The following PPP3CA variants were observed in gnomAD, a reference collection of about 807,000 sequenced individuals.
PPP3CA encodes the protein protein phosphatase 3 catalytic subunit alpha, also known as CAM-PRP catalytic subunit.
In PPP3CA, 14 loss-of-function variants were observed where a neutral mutation model predicts 66.5. The observed-to-expected ratio is 0.21, with a 90% CI of 0.14 to 0.33. The LOEUF is 0.33. Among genes scored for constraint, PPP3CA ranks in the 10% least tolerant of loss-of-function variants. The pLI is 1.00. For synonymous variants in PPP3CA, 232 were observed against 226.2 expected, an observed-to-expected ratio of 1.03 and a Z score of -0.23; for missense variants, 317 against 639.5, an observed-to-expected ratio of 0.50 and a Z score of 5.44.
chr4:101,144,121 C>A (rs909224499), intron 2 of PPP3CA, among the ~76,000 whole-genome samples: 4 of 152,150 alleles, frequency 2.6e-5, no homozygotes, highest in Admixed American at 6.5e-5. Flanking sequence ...TTGGTTCAAG[C>A]GCTGTCTGGA....
chr4:101,296,645 G>C (rs1728209694), intron 1 of PPP3CA, among the ~76,000 whole-genome samples: 2 of 152,032 alleles, frequency 1.3e-5, no homozygotes. Context: ...AGTATGTTAT[G>C]TCATTTAAGG....
intron 7 of PPP3CA, among the ~76,000 whole-genome samples, chr4:101,081,201 A>G (rs1157497260): frequency 2.0e-5 from 3 of 152,120 alleles, no homozygotes; most frequent in Non-Finnish European, 4.4e-5. Context: ...TCCTAGATGC[A>G]GTATATACAA....
In PPP3CA at chr4:101,046,717, G is replaced by T. The variant is rs189963893; in HGVS notation, c.1157-6151C>A. Among the ~76,000 whole-genome samples, 226 of 152,022 alleles carry T rather than the reference G, an allele frequency of 1.5e-3. 1 individual carries two copies. Among genetic ancestry groups the T allele is most frequent in the Admixed American group, 3.1e-3 (48 of 15,244 alleles). ...CTTGAAAGTAAAATTTTTATCATGG[G>T]TCAATATTATTAAACAGAGTTTCAA... is the stretch of plus-strand genomic sequence containing the variant. On this transcript the variant is annotated intron_variant, in intron 10 of 13. Transcript: ENST00000394854.
chr4:101,300,444 A>T (rs982257473), intron 1 of PPP3CA, among the ~76,000 whole-genome samples: 2 of 152,222 alleles, frequency 1.3e-5, no homozygotes, highest in Non-Finnish European at 2.9e-5. Flanking sequence ...CAACACCATT[A>T]ATATTACCAT....
At chr4:101,297,290 C>T (rs897252013) in intron 1 of PPP3CA, among the ~76,000 whole-genome samples, 1 of 152,124 alleles carries the variant, frequency 6.6e-6, no homozygotes, top group African/African-American at 2.4e-5. Flanking sequence ...TCGCACTGTG[C>T]CTAGCACGTA....
chr4:101,274,133 C>T (rs920464055), intron 1 of PPP3CA, among the ~76,000 whole-genome samples: 1 of 152,018 alleles, frequency 6.6e-6, no homozygotes, highest in Non-Finnish European at 1.5e-5. Context: ...GGTAAAACCC[C>T]GTATCTACAA....
intron 1 of PPP3CA, among the ~76,000 whole-genome samples, chr4:101,261,017 T>G (rs1404430836): frequency 6.6e-6 from 1 of 152,096 alleles, no homozygotes; most frequent in African/African-American, 2.4e-5. Context: ...GAACAAATGA[T>G]TTTTTGACAA....
rs563225230 is a variant in PPP3CA, at chr4:101,168,561, G to A, written c.259+27355C>T. Among the ~76,000 whole-genome samples the A allele has an allele frequency of 2.0e-5, 3 of 152,242 alleles. No homozygotes were observed. In the South Asian group the frequency reaches 6.2e-4, roughly 32 times the overall value. On this transcript the variant is annotated intron_variant, in intron 2 of 13. Coordinates refer to ENST00000394854, the MANE Select transcript of PPP3CA (RefSeq NM_000944.5). ...TTGTGGGACACTCTAAGAGGGAGAA[G>A]AACCTCCAAGGAGACTAAGTAAAAA...
intron 1 of PPP3CA, among the ~76,000 whole-genome samples, chr4:101,321,753 A>G (rs1466213725): frequency 2.0e-5 from 3 of 152,202 alleles, no homozygotes; most frequent in Non-Finnish European, 4.4e-5. Flanking sequence ...CAAAGGTTCA[A>G]AACTAAGAGC....
At chr4:101,140,627 G>C (rs1722773838) in intron 2 of PPP3CA, among the ~76,000 whole-genome samples, 1 of 152,130 alleles carries the variant, frequency 6.6e-6, no homozygotes. Flanking sequence ...TACTTAAGAA[G>C]AAGAAACTCA....
intron 1 of PPP3CA, among the ~76,000 whole-genome samples, chr4:101,275,246 T>G (rs1435897317): frequency 6.6e-6 from 1 of 152,180 alleles, no homozygotes; most frequent in Non-Finnish European, 1.5e-5. Context: ...CACTAACTTA[T>G]TTGGTTAACT....
chr4:101,271,135 C>G (rs1172105693), intron 1 of PPP3CA, among the ~76,000 whole-genome samples: 1 of 152,038 alleles, frequency 6.6e-6, no homozygotes, highest in East Asian at 1.9e-4. Flanking sequence ...AGCACTCCCA[C>G]CTGTCTTCTC....
rs1723707762 is a variant in PPP3CA at position 101,166,786 on chromosome 4, T to C, written c.259+29130A>G. Among the ~76,000 whole-genome samples the C allele has an allele frequency of 2.0e-5, 3 of 152,222 alleles. No individual in the cohort carries two copies. In the South Asian group the frequency reaches 6.2e-4, roughly 31 times the overall value. Reference sequence around the variant, plus strand: ...CAACAACAATATGAAGACCCATTTGTTGGTTACCACTTACATTGTATATTT... The same window carrying C: ...CAACAACAATATGAAGACCCATTTGCTGGTTACCACTTACATTGTATATTT... On this transcript the variant is annotated intron_variant, in intron 2 of 13. Transcript: ENST00000394854.
At chr4:101,158,637 AACTGTGGCCTCT>A (rs1431791347) in intron 2 of PPP3CA, among the ~76,000 whole-genome samples, 1 of 152,182 alleles carries the variant, frequency 6.6e-6, no homozygotes, top group Non-Finnish European at 1.5e-5. Context: ...CAGTGACCTC[AACTGTGGCCTCT>A]ACTGTGATTG....
chr4:101,169,822 C>G (rs1723816618), intron 2 of PPP3CA, among the ~76,000 whole-genome samples: 1 of 151,922 alleles, frequency 6.6e-6, no homozygotes, highest in Non-Finnish European at 1.5e-5. Flanking sequence ...AATGCTGACT[C>G]AGAAATAATT....
At chr4:101,078,145 T>G (rs568483583) in intron 8 of PPP3CA, among the ~76,000 whole-genome samples, 63 of 152,264 alleles carry the variant, frequency 4.1e-4, no homozygotes, top group African/African-American at 1.5e-3. Flanking sequence ...AAAATCTTAA[T>G]GCCATAGAAC....
At chr4:101,111,795 C>T (rs958814197) in intron 2 of PPP3CA, among the ~76,000 whole-genome samples, 3 of 152,018 alleles carry the variant, frequency 2.0e-5, no homozygotes, top group Non-Finnish European at 4.4e-5. Flanking sequence ...GTGTTAATAT[C>T]GTAACAAGCT....
In PPP3CA at chr4:101,093,787, T is replaced by C. The variant is rs1212291454; in HGVS notation, c.771A>G (p.Ser257=). ...HFTHNTVRGC[S]YFYSYPAVCE... The stretch of plus-strand genomic sequence containing the variant: ...TTCTCTATTCTTACCTGTAGAAGTA[T>C]GAACACCCCCTGACTGTGTTGTGAG... The change falls in exon 6 of 14, where the codon TCA becomes TCG. Residue 257 remains serine (S), a synonymous_variant. Coordinates refer to ENST00000394854, the MANE Select transcript of PPP3CA (RefSeq NM_000944.5). 3.7e-6 allele frequency: 6 copies of C among 1,608,642 alleles called. No homozygotes were observed. In the South Asian group the frequency reaches 4.4e-5, roughly 12 times the overall value.
At chr4:101,318,846 A>G (rs1231181366) in intron 1 of PPP3CA, among the ~76,000 whole-genome samples, 2 of 152,104 alleles carry the variant, frequency 1.3e-5, no homozygotes, top group South Asian at 2.1e-4. Context: ...AGTTCTGCCC[A>G]TTACACATTA....
Sources: allele counts gnomAD v4.1 joint callset (sites outside exome capture counted in the v4.1 genomes callset), GRCh38; gene constraint gnomAD v4.1.1; transcripts MANE v1.5; gene names NCBI Gene and HGNC (gene_info 2026-07-23, HGNC 2026-07-21).